The following GALNT18 variants were observed in gnomAD, a reference collection of about 807,000 sequenced individuals.
GALNT18 encodes GalNAc-transferase 18.
Under a neutral mutation model 69.5 loss-of-function variants are expected in GALNT18, and 44 were observed. That is an observed-to-expected ratio of 0.63 (90% CI 0.50 to 0.81). The LOEUF (loss-of-function observed/expected upper bound fraction) is 0.81. GALNT18 is among the 40% of genes least tolerant of loss of function. The pLI, the probability that GALNT18 is intolerant of heterozygous loss-of-function variation, is 0.00. For missense variants in GALNT18, 715 were observed against 810.0 expected, an observed-to-expected ratio of 0.88 and a Z score of 1.42; for synonymous variants, 364 against 318.2, an observed-to-expected ratio of 1.14 and a Z score of -1.53.
At position 11,598,991 on chromosome 11, in the gene GALNT18, A is replaced by T. The variant is rs1859568292; in HGVS notation, c.235+22368T>A. ...GAGTTCAATCCTTTGAAATTTATTC[A>T]GGCTTGTTTTATGGCCTAGTGTATG... On this transcript the variant is annotated intron_variant, in intron 1 of 10. Coordinates refer to ENST00000227756, the MANE Select transcript of GALNT18 (RefSeq NM_198516.3). The surrounding 1 kb of genome is among the most constrained non-coding windows in gnomAD (Gnocchi z 4.8). Among the ~76,000 whole-genome samples, 1 of 152,052 alleles carries T rather than the reference A, an allele frequency of 6.6e-6. No individual in the cohort carries two copies. Among genetic ancestry groups the T allele is most frequent in the South Asian group, 2.1e-4 (1 of 4,814 alleles).
intron 1 of GALNT18, among the ~76,000 whole-genome samples, chr11:11,471,472 A>T (rs2133854099): frequency 1.3e-5 from 2 of 152,208 alleles, no homozygotes; most frequent in South Asian, 4.1e-4. Context: ...CTGGCTGCTA[A>T]TCATGGTGCT....
In GALNT18 at chr11:11,347,761, G is replaced by A. The variant is rs1850328159; in HGVS notation, c.1093-6757C>T. 6.6e-6 allele frequency among the ~76,000 whole-genome samples: 1 copy of A among 152,230 alleles called. No individual in the cohort carries two copies. Among genetic ancestry groups the A allele is most frequent in the South Asian group, 2.1e-4 (1 of 4,832 alleles). On this transcript the variant is annotated intron_variant, in intron 6 of 10. Coordinates refer to ENST00000227756, the MANE Select transcript of GALNT18 (RefSeq NM_198516.3). The surrounding 1 kb of genome is among the most constrained non-coding windows in gnomAD (Gnocchi z 4.0). The stretch of plus-strand genomic sequence containing the variant: ...GGAACTAATGACTTGTACGACTCAT[G>A]TGGTCCTTATTTCTTGGCTCATGTG...
rs563789509 is a variant in GALNT18, at chr11:11,455,475, G to A, written c.236-6539C>T. ...AAGATGCTTGAATTGAAGAATAAGT[G>A]CAATCCTCAAGCTCACTCCAGGGAA... On this transcript the variant is annotated intron_variant, in intron 1 of 10. Coordinates refer to ENST00000227756, the MANE Select transcript of GALNT18 (RefSeq NM_198516.3). 5.3e-5 allele frequency among the ~76,000 whole-genome samples: 8 copies of A among 152,218 alleles called. No homozygotes were observed. In the South Asian group the frequency reaches 1.0e-3, roughly 20 times the overall value.
chr11:11,421,779 G>A lies in GALNT18; in HGVS notation c.595+10842C>T, dbSNP rs993361246. Among the ~76,000 whole-genome samples the A allele has an allele frequency of 2.6e-5, 4 of 151,292 alleles. No homozygotes were observed. Among genetic ancestry groups the A allele is most frequent in the Admixed American group, 1.3e-4 (2 of 15,244 alleles). On this transcript the variant is annotated intron_variant, in intron 3 of 10. Transcript: ENST00000227756. The surrounding 1 kb of genome is among the most constrained non-coding windows in gnomAD (Gnocchi z 5.6). ...CTCTGCAGAGGTCAGGACTGGCCACGCTGCTAGCACACAGCATCTTGATGT... is the reference window on the plus strand; with the variant it reads ...CTCTGCAGAGGTCAGGACTGGCCACACTGCTAGCACACAGCATCTTGATGT...
chr11:11,383,525 C>G lies in GALNT18; in HGVS notation c.596-4261G>C, dbSNP rs377280460. 2.0e-5 allele frequency among the ~76,000 whole-genome samples: 3 copies of G among 152,172 alleles called. No homozygotes were observed. The highest frequency in any genetic ancestry group is 4.4e-5 in the Non-Finnish European group (3 of 68,024). On this transcript the variant is annotated intron_variant, in intron 3 of 10. Coordinates refer to ENST00000227756, the MANE Select transcript of GALNT18 (RefSeq NM_198516.3). The surrounding 1 kb of genome is among the most constrained non-coding windows in gnomAD (Gnocchi z 5.2). ...TTCCTATAGGCTTGCTGTGGAGAACCGGGCAGAGTCCTCACCTCTCCCTCA... is the reference window on the plus strand; with the variant it reads ...TTCCTATAGGCTTGCTGTGGAGAACGGGGCAGAGTCCTCACCTCTCCCTCA...
chr11:11,553,278 G>T (rs138495020), intron 1 of GALNT18, among the ~76,000 whole-genome samples: 1 of 152,264 alleles, frequency 6.6e-6, no homozygotes, highest in East Asian at 1.9e-4. Flanking sequence ...CCACCAGGGC[G>T]CTGAGGTCCT....
intron 1 of GALNT18, among the ~76,000 whole-genome samples, chr11:11,612,968 G>T (rs771504692): frequency 3.3e-5 from 5 of 152,112 alleles, no homozygotes; most frequent in African/African-American, 4.8e-5. Flanking sequence ...GGCTCCATAA[G>T]GGAAGCCACT....
intron 9 of GALNT18, among the ~76,000 whole-genome samples, chr11:11,311,866 C>A (rs1039842627): frequency 6.6e-6 from 1 of 152,208 alleles, no homozygotes; most frequent in Admixed American, 6.5e-5. Context: ...TTCATGTTTG[C>A]CAGCCATGGT....
intron 1 of GALNT18, among the ~76,000 whole-genome samples, chr11:11,545,162 T>G (rs1243544388): frequency 2.0e-5 from 3 of 152,234 alleles, no homozygotes; most frequent in African/African-American, 4.8e-5. Flanking sequence ...CAAGTTCACA[T>G]GAATAGCAGG....
chr11:11,300,518 GGAATTAA>G (rs1849475151), intron 9 of GALNT18, among the ~76,000 whole-genome samples: 1 of 152,202 alleles, frequency 6.6e-6, no homozygotes, highest in South Asian at 2.1e-4. Context: ...AGCCCAACAA[GGAATTAA>G]GAGCCCAGCT....
intron 6 of GALNT18, among the ~76,000 whole-genome samples, chr11:11,351,066 G>T (rs1240713002): frequency 6.6e-6 from 1 of 152,176 alleles, no homozygotes; most frequent in Non-Finnish European, 1.5e-5. Context: ...ATATGAGAAA[G>T]CTCCAGGTAT....
rs74478940 is a variant in GALNT18, at chr11:11,496,471, T to C, written c.236-47535A>G. On this transcript the variant is annotated intron_variant, in intron 1 of 10. Transcript: ENST00000227756. This position sits in a 1 kb window ranked among gnomAD's most constrained non-coding sequence, Gnocchi z 4.0. ...AGTACATTGCTATCAACTCCAATAA[T>C]GGGGCATGCTGGAAAAATAAAACAG... is the stretch of plus-strand genomic sequence containing the variant. Among the ~76,000 whole-genome samples the C allele has an allele frequency of 0.13, 20,473 of 152,176 alleles. 1,752 individuals carry two copies. The highest frequency in any genetic ancestry group is 0.19 in the South Asian group (938 of 4,818).
chr11:11,529,158 C>A lies in GALNT18; in HGVS notation c.236-80222G>T, dbSNP rs1392199072. Among the ~76,000 whole-genome samples the A allele has an allele frequency of 7.9e-5, 12 of 152,332 alleles. No homozygotes were observed. In the East Asian group the frequency reaches 2.3e-3, roughly 29 times the overall value. ...GATACCCATTGATGCATGAGGTCAC[C>A]AGGTACCAGATGTGATTTCATGTGT... On this transcript the variant is annotated intron_variant, in intron 1 of 10. Coordinates refer to ENST00000227756, the MANE Select transcript of GALNT18 (RefSeq NM_198516.3).
Position 11,540,134 on chromosome 11 carries a change from C to G in GALNT18, c.235+81225G>C, listed in dbSNP as rs563612154. Among the ~76,000 whole-genome samples, 2 of 152,308 alleles carry G rather than the reference C, an allele frequency of 1.3e-5. No homozygotes were observed. Among genetic ancestry groups the G allele is most frequent in the Admixed American group, 1.3e-4 (2 of 15,302 alleles). ...TTTTCTAAAAACTTAAGGCATTGGA[C>G]TGGATTATTCTAAACATATTTTGTG... On this transcript the variant is annotated intron_variant, in intron 1 of 10. Coordinates refer to ENST00000227756, the MANE Select transcript of GALNT18 (RefSeq NM_198516.3). The surrounding 1 kb of genome is among the most constrained non-coding windows in gnomAD (Gnocchi z 4.6).
At chr11:11,612,523 C>T (rs929072144) in intron 1 of GALNT18, among the ~76,000 whole-genome samples, 1 of 152,242 alleles carries the variant, frequency 6.6e-6, no homozygotes, top group African/African-American at 2.4e-5. Flanking sequence ...GCTAGCACAA[C>T]ATTTATTAAG....
At position 11,281,848 on chromosome 11, in the gene GALNT18, G is replaced by A. The variant is rs11827904; in HGVS notation, c.1678-10558C>T. ...GGCGGGTGGATGGGACACAACCTCC[G>A]TGAGAATATCTGAGCCTGTCAGGGA... On this transcript the variant is annotated intron_variant, in intron 10 of 10. Coordinates refer to ENST00000227756, the MANE Select transcript of GALNT18 (RefSeq NM_198516.3). Among the ~76,000 whole-genome samples the A allele has an allele frequency of 2.6e-3, 400 of 152,098 alleles. 3 individuals carry two copies. Among genetic ancestry groups the A allele is most frequent in the African/African-American group, 9.0e-3 (375 of 41,464 alleles).
rs996933732 is a variant in GALNT18, at chr11:11,444,368, G to A, written c.428+4376C>T. Among the ~76,000 whole-genome samples, 4 of 152,226 alleles carry A rather than the reference G, an allele frequency of 2.6e-5. No individual in the cohort carries two copies. Among genetic ancestry groups the A allele is most frequent in the African/African-American group, 4.8e-5 (2 of 41,456 alleles). ...GAGGACAAGTCCTCCCCGCCACGGA[G>A]CCTGGGAAATGGTCAGCAGACTCGC... On this transcript the variant is annotated intron_variant, in intron 2 of 10. Coordinates refer to ENST00000227756, the MANE Select transcript of GALNT18 (RefSeq NM_198516.3). This position sits in a 1 kb window ranked among gnomAD's most constrained non-coding sequence, Gnocchi z 4.4.
At chr11:11,566,957 G>A (rs138597056) in intron 1 of GALNT18, among the ~76,000 whole-genome samples, 1 of 152,296 alleles carries the variant, frequency 6.6e-6, no homozygotes, top group Non-Finnish European at 1.5e-5. Context: ...ATGGGAAAAT[G>A]AGTGCAGCTT....
chr11:11,542,093 G>A lies in GALNT18; in HGVS notation c.235+79266C>T, dbSNP rs1023940227. On this transcript the variant is annotated intron_variant, in intron 1 of 10. Transcript: ENST00000227756. This position sits in a 1 kb window ranked among gnomAD's most constrained non-coding sequence, Gnocchi z 4.3. ...GAAACTGCCCAGTGAGGAGGCTGCAGAGGGTTCCACGCACCCCGCTCCTCA... is the reference window on the plus strand; with the variant it reads ...GAAACTGCCCAGTGAGGAGGCTGCAAAGGGTTCCACGCACCCCGCTCCTCA... Among the ~76,000 whole-genome samples, 1 of 152,208 alleles carries A rather than the reference G, an allele frequency of 6.6e-6. No individual in the cohort carries two copies. The highest frequency in any genetic ancestry group is 2.4e-5 in the African/African-American group (1 of 41,446).
Sources: allele counts gnomAD v4.1 joint callset (sites outside exome capture counted in the v4.1 genomes callset), GRCh38; gene constraint gnomAD v4.1.1; non-coding constraint Gnocchi (gnomAD v3.1); transcripts MANE v1.5; gene names NCBI Gene and HGNC (gene_info 2026-07-23, HGNC 2026-07-21).